The following MGAT4D variants were observed in gnomAD, a reference collection of about 807,000 sequenced individuals.
The protein encoded by MGAT4D is alpha-1,3-mannosyl-glycoprotein 4-beta-N-acetylglucosaminyltransferase-like protein MGAT4D.
A neutral mutation model predicts 15.9 loss-of-function variants in MGAT4D; 34 were observed. That is an observed-to-expected ratio of 2.14 (90% CI 1.62 to 2.84). MGAT4D has a LOEUF of 2.84. MGAT4D is among the 30% of genes most tolerant of loss of function. The pLI is 0.00. For synonymous variants in MGAT4D, 112 were observed against 48.2 expected (o/e 2.33, Z -5.49); for missense variants, 327 against 140.2 (o/e 2.33, Z -6.73).
chr4:140,456,021 C>A (rs1456218356), intron 9 of MGAT4D, among the ~76,000 whole-genome samples: 2 of 152,112 alleles, frequency 1.3e-5, no homozygotes, highest in Non-Finnish European at 2.9e-5. Flanking sequence ...CCTATAGTCC[C>A]AGTTACTGAG....
chr4:140,456,774 T>G (rs918915195), intron 8 of MGAT4D, 55 bp from the exon 9 acceptor site: 2 of 561,932 alleles, frequency 3.6e-6, no homozygotes, highest in African/African-American at 3.9e-5. Context: ...TGTTCATTCC[T>G]TTAACATGGG....
chr4:140,467,855 C>T lies in MGAT4D; in HGVS notation c.573-2846G>A, dbSNP rs560631499. 2.0e-4 allele frequency among the ~76,000 whole-genome samples: 30 copies of T among 152,010 alleles called. No homozygotes were observed. In the South Asian group the frequency reaches 3.5e-3, roughly 18 times the overall value. On this transcript the variant is annotated intron_variant, in intron 5 of 10. Coordinates refer to ENST00000511113, the MANE Select transcript of MGAT4D (RefSeq NM_001277353.2). ...ATACAGTTTCATATGAGGTTATATA[C>T]AAACATAGATGAGTCCTTTAAAAAT...
chr4:140,467,675 C>G (rs1731630160), intron 5 of MGAT4D, among the ~76,000 whole-genome samples: 1 of 151,988 alleles, frequency 6.6e-6, no homozygotes, highest in Non-Finnish European at 1.5e-5. Flanking sequence ...ATCAAAAGCC[C>G]TTGACTTAAT....
At chr4:140,495,556 C>A (rs1411337142) in intron 1 of MGAT4D, among the ~76,000 whole-genome samples, 1 of 152,096 alleles carries the variant, frequency 6.6e-6, no homozygotes, top group Non-Finnish European at 1.5e-5. Flanking sequence ...ATGTAGTTTT[C>A]CACATGCTGG....
At position 140,462,218 on chromosome 4, in the gene MGAT4D, C is replaced by T. The variant is rs368393943; in HGVS notation, c.687-214G>A. Among the ~76,000 whole-genome samples, 25 of 152,244 alleles carry T rather than the reference C, an allele frequency of 1.6e-4. No homozygotes were observed. The South Asian group carries it at 4.1e-3, about 25-fold the overall frequency. On this transcript the variant is annotated intron_variant, in intron 6 of 10. Transcript: ENST00000511113. ...ATTCAATGAACAGTGTCTACCATTG[C>T]TAAACCAGGATAAGCACAACCCATT...
intron 10 of MGAT4D, among the ~76,000 whole-genome samples, chr4:140,445,075 G>A (rs1730030824): frequency 1.3e-5 from 2 of 151,826 alleles, no homozygotes; most frequent in South Asian, 4.2e-4. Flanking sequence ...AGTAGAGATG[G>A]GGTTTCACTA....
chr4:140,446,041 T>C (rs1190082238), intron 10 of MGAT4D, among the ~76,000 whole-genome samples: 9 of 152,180 alleles, frequency 5.9e-5, no homozygotes. Context: ...TCAATTAGCT[T>C]TTTGATGTGC....
intron 9 of MGAT4D, among the ~76,000 whole-genome samples, chr4:140,455,042 T>G (rs553439186): frequency 1.3e-5 from 2 of 152,216 alleles, no homozygotes; most frequent in East Asian, 3.9e-4. Flanking sequence ...GTTTTATTGG[T>G]TTTCTCTATT....
chr4:140,455,368 A>T (rs558806551), intron 9 of MGAT4D, among the ~76,000 whole-genome samples: 16 of 152,018 alleles, frequency 1.1e-4, no homozygotes, highest in Non-Finnish European at 2.4e-4. Context: ...AGTGCTTGAG[A>T]TTTTTCAGTT....
chr4:140,456,980 G>A (rs1350389079), intron 8 of MGAT4D: 4 of 190,376 alleles, frequency 2.1e-5, no homozygotes, highest in Non-Finnish European at 4.3e-5. Context: ...AACTCATGAG[G>A]ATTGATTGTC....
At chr4:140,467,567 T>G (rs1731623427) in intron 5 of MGAT4D, among the ~76,000 whole-genome samples, 1 of 152,148 alleles carries the variant, frequency 6.6e-6, no homozygotes, top group Non-Finnish European at 1.5e-5. Flanking sequence ...TTGGTTTTAT[T>G]CAATCTGTTT....
At chr4:140,468,370 A>T (rs1228468467) in intron 5 of MGAT4D, among the ~76,000 whole-genome samples, 2 of 152,190 alleles carry the variant, frequency 1.3e-5, no homozygotes, top group African/African-American at 2.4e-5. Context: ...CTCATACATT[A>T]GGTAATGTTT....
intron 1 of MGAT4D, among the ~76,000 whole-genome samples, chr4:140,482,949 A>T (rs1355071689): frequency 6.6e-6 from 1 of 152,184 alleles, no homozygotes; most frequent in Non-Finnish European, 1.5e-5. Context: ...CATTATTTTT[A>T]AAAATTGGAA....
At chr4:140,491,212 T>G (rs1733478832) in intron 1 of MGAT4D, among the ~76,000 whole-genome samples, 1 of 152,196 alleles carries the variant, frequency 6.6e-6, no homozygotes, top group Non-Finnish European at 1.5e-5. Flanking sequence ...GTCTGAGAAC[T>G]CCTCTTCTGC....
At chr4:140,461,630 T>G (rs904544594) in intron 7 of MGAT4D, among the ~76,000 whole-genome samples, 2 of 152,004 alleles carry the variant, frequency 1.3e-5, no homozygotes, top group African/African-American at 4.8e-5. Flanking sequence ...TACAATTTCG[T>G]TTTTTTGAGA....
chr4:140,487,799 C>G (rs1217275384), intron 1 of MGAT4D, among the ~76,000 whole-genome samples: 1 of 152,100 alleles, frequency 6.6e-6, no homozygotes, highest in African/African-American at 2.4e-5. Flanking sequence ...ATAAAAAATG[C>G]TGTTTCTCAG....
intron 8 of MGAT4D, 169 bp downstream of exon 8, chr4:140,459,343 C>G: frequency 3.3e-6 from 1 of 306,040 alleles, no homozygotes; most frequent in South Asian, 1.6e-4. Context: ...AATACATTAT[C>G]TGGAATTTAG....
At chr4:140,447,540 T>C (rs893056925) in intron 10 of MGAT4D, among the ~76,000 whole-genome samples, 1 of 152,204 alleles carries the variant, frequency 6.6e-6, no homozygotes, top group African/African-American at 2.4e-5. Context: ...TTTTTCTGAT[T>C]TCCATTTGTT....
At chr4:140,472,877 G>A (rs1003116491) in intron 4 of MGAT4D, among the ~76,000 whole-genome samples, 1 of 152,054 alleles carries the variant, frequency 6.6e-6, no homozygotes, top group African/African-American at 2.4e-5. Context: ...AAACTGGGAT[G>A]CAATGATTTT....
Sources: gnomAD v4.1 joint callset for allele counts (sites outside exome capture counted in the v4.1 genomes callset) on GRCh38, gnomAD v4.1.1 for gene constraint, MANE v1.5 for transcripts, NCBI Gene and HGNC (gene_info 2026-07-23, HGNC 2026-07-21) for gene names.